The following CCDC148 variants were observed in gnomAD, a reference collection of about 807,000 sequenced individuals.
CCDC148 encodes the protein coiled-coil domain-containing protein 148.
CCDC148 carries 89 observed loss-of-function variants against 85.7 expected under a neutral mutation model. The ratio of observed to expected loss-of-function variants is 1.04; its 90% confidence interval spans 0.87 to 1.24. The LOEUF (loss-of-function observed/expected upper bound fraction) is 1.24, where lower values mean the gene tolerates loss of function less well. Among genes scored for constraint, CCDC148 ranks in the 50% most tolerant of loss-of-function variants. CCDC148 has a pLI of 0.00. For missense variants in CCDC148, 692 were observed against 671.7 expected (o/e 1.03, Z -0.33); for synonymous variants, 230 against 213.9 (o/e 1.08, Z -0.66).
rs540990900 is a variant in CCDC148 at position 158,235,091 on chromosome 2, C to T, written c.1252-14378G>A. ...AACACCCATGAAACAAGTTTACCTA[C>T]GTAACAAACCTGCACATGTGCCCCT... On this transcript the variant is annotated intron_variant, in intron 10 of 13. Coordinates refer to ENST00000283233, the MANE Select transcript of CCDC148 (RefSeq NM_138803.4). 1.2e-4 allele frequency among the ~76,000 whole-genome samples: 18 copies of T among 152,080 alleles called. No homozygotes were observed. In the South Asian group the frequency reaches 1.5e-3, roughly 12 times the overall value.
At chr2:158,328,356 T>C (rs1328221573) in intron 7 of CCDC148, among the ~76,000 whole-genome samples, 1 of 152,230 alleles carries the variant, frequency 6.6e-6, no homozygotes, top group Admixed American at 6.5e-5. Flanking sequence ...TCATTTTTTA[T>C]GGCTGCATAG....
At chr2:158,429,240 C>T (rs544003670) in intron 1 of CCDC148, among the ~76,000 whole-genome samples, 2 of 152,038 alleles carry the variant, frequency 1.3e-5, no homozygotes. Context: ...ACTTACGTAA[C>T]AAACCTGCAC....
chr2:158,283,373 C>A (rs1200069580), intron 9 of CCDC148, among the ~76,000 whole-genome samples: 4 of 152,192 alleles, frequency 2.6e-5, no homozygotes, highest in Non-Finnish European at 5.9e-5. Context: ...TTTTTGCAAT[C>A]TACTCATCTG....
chr2:158,379,089 A>G (rs904081732), intron 1 of CCDC148, among the ~76,000 whole-genome samples: 2 of 152,176 alleles, frequency 1.3e-5, no homozygotes, highest in African/African-American at 4.8e-5. Flanking sequence ...AACCTGCTGA[A>G]AAGTATTAAC....
At chr2:158,325,977 T>C (rs1361115519) in intron 7 of CCDC148, among the ~76,000 whole-genome samples, 1 of 152,160 alleles carries the variant, frequency 6.6e-6, no homozygotes, top group East Asian at 1.9e-4. Flanking sequence ...CCAAAGTGAT[T>C]CTGCTAAACA....
intron 1 of CCDC148, among the ~76,000 whole-genome samples, chr2:158,360,567 C>G (rs1004628761): frequency 1.3e-5 from 2 of 152,148 alleles, no homozygotes; most frequent in African/African-American, 4.8e-5. Flanking sequence ...CTCTAGCAGA[C>G]CTGCAGCAGA....
At chr2:158,351,613 T>G (rs940945529) in intron 2 of CCDC148, among the ~76,000 whole-genome samples, 5 of 152,172 alleles carry the variant, frequency 3.3e-5, no homozygotes, top group Non-Finnish European at 7.4e-5. Context: ...CACAGCAGTC[T>G]GAGATCAAAC....
intron 1 of CCDC148, among the ~76,000 whole-genome samples, chr2:158,450,723 T>C (rs1688372406): frequency 6.6e-6 from 1 of 152,194 alleles, no homozygotes; most frequent in South Asian, 2.1e-4. Context: ...TCTTGCTGCC[T>C]CAAAATTTTC....
At chr2:158,415,309 A>G (rs1686446489) in intron 1 of CCDC148, among the ~76,000 whole-genome samples, 1 of 152,038 alleles carries the variant, frequency 6.6e-6, no homozygotes, top group African/African-American at 2.4e-5. Context: ...TTAAACAACC[A>G]GCTCTCTTAA....
chr2:158,312,666 A>C (rs537237385), intron 8 of CCDC148, among the ~76,000 whole-genome samples: 1 of 152,132 alleles, frequency 6.6e-6, no homozygotes, highest in East Asian at 1.9e-4. Flanking sequence ...AAAATCTTCA[A>C]GTTATAAATA....
At chr2:158,443,872 G>A (rs1688049826) in intron 1 of CCDC148, among the ~76,000 whole-genome samples, 1 of 152,164 alleles carries the variant, frequency 6.6e-6, no homozygotes, top group Non-Finnish European at 1.5e-5. Context: ...TTTGAGATCA[G>A]TGCTCTTCCA....
In CCDC148 at chr2:158,176,536, T is replaced by C. The variant is rs896283916; in HGVS notation, c.1614A>G (p.Thr538=). The C allele has an allele frequency of 1.4e-5, 23 of 1,611,758 alleles. No individual in the cohort carries two copies. In the Admixed American group the frequency reaches 2.3e-4, roughly 16 times the overall value. The change falls in exon 13 of 14, where the codon ACA becomes ACG. Residue 538 remains threonine, a synonymous_variant. Coordinates refer to ENST00000283233, the MANE Select transcript of CCDC148 (RefSeq NM_138803.4). ...ILQKPLFTLN[T]YNEQQIISDP... Reference sequence around the variant, plus strand: ...CCATAATTACCTGCTGTTCATTGTATGTATTCAATGTGAAGAGTGGCTTTT... The same window carrying C: ...CCATAATTACCTGCTGTTCATTGTACGTATTCAATGTGAAGAGTGGCTTTT...
At chr2:158,421,582 T>A (rs962944512) in intron 1 of CCDC148, among the ~76,000 whole-genome samples, 22 of 152,026 alleles carry the variant, frequency 1.4e-4, no homozygotes, top group South Asian at 4.1e-4. Flanking sequence ...GGGACACATT[T>A]AAAGCAGTGT....
intron 11 of CCDC148, among the ~76,000 whole-genome samples, chr2:158,183,511 G>C (rs1261872374): frequency 6.6e-6 from 1 of 151,938 alleles, no homozygotes; most frequent in Non-Finnish European, 1.5e-5. Context: ...GCCACCAAGG[G>C]GGAAAAAGAC....
intron 9 of CCDC148, among the ~76,000 whole-genome samples, chr2:158,285,455 A>G (rs370391713): frequency 6.6e-6 from 1 of 152,138 alleles, no homozygotes; most frequent in African/African-American, 2.4e-5. Context: ...AAAGTATTTA[A>G]TAATAGTAAT....
intron 1 of CCDC148, among the ~76,000 whole-genome samples, chr2:158,426,437 T>G (rs1687083108): frequency 6.6e-6 from 1 of 152,192 alleles, no homozygotes; most frequent in Non-Finnish European, 1.5e-5. Flanking sequence ...CATTTGCATA[T>G]TCAGATGTAG....
chr2:158,437,493 T>C (rs1010931189), intron 1 of CCDC148, among the ~76,000 whole-genome samples: 5 of 152,148 alleles, frequency 3.3e-5, no homozygotes, highest in African/African-American at 1.2e-4. Context: ...TAATAAGAAC[T>C]ATCTATGACA....
At chr2:158,327,193 A>G (rs999286630) in intron 7 of CCDC148, among the ~76,000 whole-genome samples, 2 of 152,146 alleles carry the variant, frequency 1.3e-5, no homozygotes, top group African/African-American at 4.8e-5. Context: ...GACAAAGGGC[A>G]TATGCTTTGT....
intron 7 of CCDC148, among the ~76,000 whole-genome samples, chr2:158,328,785 T>C (rs1304801417): frequency 3.9e-5 from 6 of 152,258 alleles, no homozygotes; most frequent in Non-Finnish European, 8.8e-5. Flanking sequence ...CATTTTTTCA[T>C]GTGTCTGCTG....
Sources: gnomAD v4.1 joint callset for allele counts (sites outside exome capture counted in the v4.1 genomes callset) on GRCh38, gnomAD v4.1.1 for gene constraint, MANE v1.5 for transcripts, NCBI Gene and HGNC (gene_info 2026-07-23, HGNC 2026-07-21) for gene names.